Variants in EPM2A observed in about 807,000 individuals in gnomAD.
EPM2A encodes laforin.
EPM2A carries 21 observed loss-of-function variants against 26.5 expected under a neutral mutation model. The observed-to-expected ratio is 0.79, with a 90% CI of 0.56 to 1.14. EPM2A has a LOEUF of 1.14. Ranked by LOEUF, EPM2A falls within the 50% of genes most tolerant of loss-of-function variation. The pLI, the probability that EPM2A is intolerant of heterozygous loss-of-function variation, is 0.00. For missense variants in EPM2A, 458 were observed against 440.8 expected (o/e 1.04, Z -0.35); for synonymous variants, 217 against 177.6 (o/e 1.22, Z -1.76).
At chr6:145,452,597 AGGAGACGGAGCTTGCAG>A (rs1417217917) in intron 4 of EPM2A, among the ~76,000 whole-genome samples, 2 of 149,226 alleles carry the variant, frequency 1.3e-5, no homozygotes, top group Non-Finnish European at 3.0e-5. Flanking sequence ...GCGTGAACCC[AGGAGACGGAGCTTGCAG>A]GGAGGCGGAG....
At chr6:145,615,307 C>T (rs1478003776) in intron 2 of EPM2A, among the ~76,000 whole-genome samples, 1 of 152,130 alleles carries the variant, frequency 6.6e-6, no homozygotes, top group Non-Finnish European at 1.5e-5. Flanking sequence ...TCCATAAACC[C>T]TCTTCTCTTG....
intron 1 of EPM2A, among the ~76,000 whole-genome samples, chr6:145,706,645 T>G (rs1049234882): frequency 1.3e-5 from 2 of 152,076 alleles, no homozygotes; most frequent in African/African-American, 4.8e-5. Flanking sequence ...AGACAACACA[T>G]AGAGATTAAA....
intron 4 of EPM2A, among the ~76,000 whole-genome samples, chr6:145,431,246 A>C (rs1778918465): frequency 1.3e-5 from 2 of 152,362 alleles, no homozygotes; most frequent in South Asian, 2.1e-4. Context: ...CTAGAGTCCT[A>C]ATAGCAGAGA....
At chr6:145,588,417 G>T (rs1336816823) in intron 2 of EPM2A, among the ~76,000 whole-genome samples, 1 of 152,126 alleles carries the variant, frequency 6.6e-6, no homozygotes. Flanking sequence ...TAACTTGGGA[G>T]AATTAAGTCA....
rs544658464 is a variant in EPM2A at position 145,524,120 on chromosome 6, T to A, written c.341-21545A>T. Reference sequence around the variant, plus strand: ...CCCATGTTGCTGCAAATGATATTATTTTTTCATTTTTGTGGCTGCATAGTA... The same window carrying A: ...CCCATGTTGCTGCAAATGATATTATATTTTCATTTTTGTGGCTGCATAGTA... On this transcript the variant is annotated intron_variant, in intron 2 of 3. Transcript: ENST00000450221. 7.2e-5 allele frequency among the ~76,000 whole-genome samples: 11 copies of A among 152,326 alleles called. No homozygotes were observed. In the South Asian group the frequency reaches 1.4e-3, roughly 20 times the overall value.
chr6:145,666,892 T>G (rs1166861235), intron 2 of EPM2A, among the ~76,000 whole-genome samples: 1 of 145,806 alleles, frequency 6.9e-6, no homozygotes, highest in Non-Finnish European at 1.5e-5. Context: ...TTGACAAACC[T>G]GAGAAAAACA....
intron 2 of EPM2A, among the ~76,000 whole-genome samples, chr6:145,539,673 C>T (rs1255866795): frequency 6.6e-6 from 1 of 152,104 alleles, no homozygotes; most frequent in Non-Finnish European, 1.5e-5. Context: ...TAGTTTTGGT[C>T]CCAGTCCAAA....
At chr6:145,517,714 G>A (rs1228916318) in intron 2 of EPM2A, among the ~76,000 whole-genome samples, 1 of 152,170 alleles carries the variant, frequency 6.6e-6, no homozygotes, top group Non-Finnish European at 1.5e-5. Flanking sequence ...GAAGCACTAA[G>A]TGCATAGCAT....
chr6:145,629,463 T>C (rs1776080364), intron 3 of EPM2A: 1 of 152,200 alleles, frequency 6.6e-6, no homozygotes, highest in South Asian at 2.1e-4. Flanking sequence ...GGTGAGAGCA[T>C]CATGTGTGAC....
intron 2 of EPM2A, among the ~76,000 whole-genome samples, chr6:145,617,082 T>A (rs989337657): frequency 2.0e-5 from 3 of 152,120 alleles, no homozygotes; most frequent in Admixed American, 6.5e-5. Flanking sequence ...ATTGGCTGTG[T>A]CCCTACCCAA....
chr6:145,443,816 G>A (rs943195330), intron 4 of EPM2A, among the ~76,000 whole-genome samples: 1 of 152,132 alleles, frequency 6.6e-6, no homozygotes, highest in Non-Finnish European at 1.5e-5. Flanking sequence ...TCTCGTGATA[G>A]CAAATGGGTT....
chr6:145,680,548 C>A (rs901910317), intron 2 of EPM2A, among the ~76,000 whole-genome samples: 3 of 151,872 alleles, frequency 2.0e-5, no homozygotes, highest in Non-Finnish European at 4.4e-5. Context: ...CCACTCCCCC[C>A]ACCCCACAAC....
At chr6:145,517,800 G>T (rs1302623086) in intron 2 of EPM2A, among the ~76,000 whole-genome samples, 1 of 151,944 alleles carries the variant, frequency 6.6e-6, no homozygotes, top group East Asian at 1.9e-4. Context: ...CAGAAATATG[G>T]GTCTTCTGGA....
chr6:145,387,827 G>A, intron 4 of EPM2A, among the ~76,000 whole-genome samples: 1 of 151,968 alleles, frequency 6.6e-6, no homozygotes. Context: ...TTGTGTTCCT[G>A]GAACCAAGTG....
chr6:145,572,494 G>C (rs192851145), intron 2 of EPM2A, among the ~76,000 whole-genome samples: 12 of 152,308 alleles, frequency 7.9e-5, no homozygotes, highest in African/African-American at 2.6e-4. Context: ...AGATGGGTCA[G>C]AAAGCACTCA....
At chr6:145,491,934 A>C (rs1286833005) in intron 4 of EPM2A, 6 of 470,644 alleles carry the variant, frequency 1.3e-5, no homozygotes, top group Admixed American at 9.3e-5. Context: ...TACTGCAAGC[A>C]GCCAAAAGAG....
At chr6:145,575,052 C>T (rs969974728) in intron 2 of EPM2A, among the ~76,000 whole-genome samples, 2 of 152,088 alleles carry the variant, frequency 1.3e-5, no homozygotes, top group Non-Finnish European at 2.9e-5. Context: ...GCAGACAGAG[C>T]TGTTGGGGGT....
At chr6:145,537,470 C>A (rs980085929) in intron 2 of EPM2A, among the ~76,000 whole-genome samples, 4 of 151,964 alleles carry the variant, frequency 2.6e-5, no homozygotes, top group African/African-American at 7.3e-5. Flanking sequence ...AGGAAATGGC[C>A]TAGAAGTATT....
At chr6:145,430,240 T>C (rs1371049357) in intron 4 of EPM2A, among the ~76,000 whole-genome samples, 1 of 151,388 alleles carries the variant, frequency 6.6e-6, no homozygotes, top group Admixed American at 6.6e-5. Flanking sequence ...ACAAAAGAAA[T>C]AAATAATCCC....
Sources: gnomAD v4.1 joint callset for allele counts (sites outside exome capture counted in the v4.1 genomes callset) on GRCh38, gnomAD v4.1.1 for gene constraint, MANE v1.5 for transcripts, NCBI Gene and HGNC (gene_info 2026-07-23, HGNC 2026-07-21) for gene names.